NSL1: variants seen among roughly 807,000 people sequenced by gnomAD.
The protein encoded by NSL1 is NSL1 component of MIS12 kinetochore complex.
NSL1 carries 11 observed loss-of-function variants against 25.4 expected under a neutral mutation model. The observed-to-expected ratio is 0.43, with a 90% CI of 0.27 to 0.72. The LOEUF is 0.72. Ranked by LOEUF, NSL1 falls within the 30% of genes least tolerant of loss-of-function variation. The probability of loss-of-function intolerance (pLI) is 0.19; values close to 1 mark genes in which losing one functional copy is unlikely to be tolerated. For synonymous variants in NSL1, 118 were observed against 120.6 expected (o/e 0.98, Z 0.14); for missense variants, 330 against 342.7 (o/e 0.96, Z 0.29).
At chr1:212,755,864 A>C (rs11120012) in intron 4 of NSL1, among the ~76,000 whole-genome samples, 61,171 of 152,098 alleles carry the variant, frequency 0.4, 13,953 homozygotes, top group Non-Finnish European at 0.51. Flanking sequence ...TAAAACAATA[A>C]GGTTAGAGCT....
intron 4 of NSL1, among the ~76,000 whole-genome samples, chr1:212,744,053 G>T (rs937067038): frequency 2.0e-5 from 3 of 152,202 alleles, no homozygotes; most frequent in Non-Finnish European, 4.4e-5. Flanking sequence ...ACATTGAAAG[G>T]TAACGAAGCA....
rs776339555 is a variant in NSL1, at chr1:212,737,856, C to G, written c.*552G>C. ...AAATCCTAAAGTTAATCTCACAAAC[C>G]TAAATTAGCTGAACATGGAGTAACA... On this transcript the variant is annotated 3_prime_UTR_variant, in exon 6 of 6. Transcript: ENST00000366977. The G allele has an allele frequency of 2.0e-6, 2 of 985,238 alleles. No individual in the cohort carries two copies. Among genetic ancestry groups the G allele is most frequent in the Non-Finnish European group, 2.4e-6 (2 of 829,832 alleles). 61.0% of individuals were successfully genotyped at this position (985,238 alleles called of 1,614,324 possible).
In NSL1 at chr1:212,727,055, G is replaced by A. The variant is rs371938400; in HGVS notation, c.*11353C>T. 10 of 1,510,050 alleles carry A rather than the reference G, an allele frequency of 6.6e-6. No homozygotes were observed. Among genetic ancestry groups the A allele is most frequent in the African/African-American group, 2.8e-5 (2 of 70,896 alleles). The allele number at this position is 1,510,050 out of a possible 1,614,324, so 93.5% of individuals were successfully genotyped here. On this transcript the variant is annotated 3_prime_UTR_variant, in exon 6 of 6. Coordinates refer to ENST00000366977, the MANE Select transcript of NSL1 (RefSeq NM_015471.4). Reference sequence around the variant, plus strand: ...AGATGACTGCCGAGAGAGGGAGGGCGGGCTCTGGGTCACCCAGCTTCATCC... The same window carrying A: ...AGATGACTGCCGAGAGAGGGAGGGCAGGCTCTGGGTCACCCAGCTTCATCC...
intron 4 of NSL1, among the ~76,000 whole-genome samples, chr1:212,776,727 A>G (rs1197619988): frequency 6.7e-6 from 1 of 149,292 alleles, no homozygotes; most frequent in Admixed American, 6.6e-5. Context: ...ACAAAACAAC[A>G]ACAACAACAA....
intron 4 of NSL1, among the ~76,000 whole-genome samples, chr1:212,778,451 C>A (rs1056509355): frequency 6.6e-6 from 1 of 151,856 alleles, no homozygotes; most frequent in Non-Finnish European, 1.5e-5. Flanking sequence ...GATGCCGAGC[C>A]GAAGCTGGAC....
In NSL1 at chr1:212,769,498, G is replaced by T. The variant is rs1232205359; in HGVS notation, c.499+12874C>A. Among the ~76,000 whole-genome samples, 4 of 152,096 alleles carry T rather than the reference G, an allele frequency of 2.6e-5. No homozygotes were observed. In the East Asian group the frequency reaches 7.7e-4, roughly 29 times the overall value. Reference sequence around the variant, plus strand: ...TGAAAGAAAAAAACCTGTCAGCCAAGAATATTATTCCCAGAAAAGCTATCC... The same window carrying T: ...TGAAAGAAAAAAACCTGTCAGCCAATAATATTATTCCCAGAAAAGCTATCC... On this transcript the variant is annotated intron_variant, in intron 4 of 5. Coordinates refer to ENST00000366977, the MANE Select transcript of NSL1 (RefSeq NM_015471.4).
Position 212,738,092 on chromosome 1 carries a change from C to A in NSL1, c.*316G>T. ...AACAGAATTTGTTACTTGTTAAATCCCACAAAAGCTACAAGGGAGCTGAGA... is the reference window on the plus strand; with the variant it reads ...AACAGAATTTGTTACTTGTTAAATCACACAAAAGCTACAAGGGAGCTGAGA... On this transcript the variant is annotated 3_prime_UTR_variant, in exon 6 of 6. Coordinates refer to ENST00000366977, the MANE Select transcript of NSL1 (RefSeq NM_015471.4). The A allele has an allele frequency of 9.7e-7, 1 of 1,027,354 alleles. No homozygotes were observed. The highest frequency in any genetic ancestry group is 5.3e-5 in the Admixed American group (1 of 18,712). 63.6% of individuals were successfully genotyped at this position (1,027,354 alleles called of 1,614,324 possible). A position where few individuals can be genotyped will look rare whatever the true frequency, so the allele number is the denominator to read the frequency against.
chr1:212,757,441 T>G (rs757393775), intron 4 of NSL1, among the ~76,000 whole-genome samples: 1 of 152,190 alleles, frequency 6.6e-6, no homozygotes, highest in Non-Finnish European at 1.5e-5. Context: ...TAAAGGAATA[T>G]GTAAGACTGG....
At chr1:212,774,367 A>G (rs1337264555) in intron 4 of NSL1, among the ~76,000 whole-genome samples, 4 of 152,366 alleles carry the variant, frequency 2.6e-5, no homozygotes, top group Non-Finnish European at 5.9e-5. Flanking sequence ...ATAAATATGT[A>G]CAAATATTAT....
rs561261927 is a variant in NSL1 at position 212,726,792 on chromosome 1, C to T, written c.*11616G>A. 4.4e-6 allele frequency: 1 copy of T among 224,976 alleles called. No homozygotes were observed. Among genetic ancestry groups the T allele is most frequent in the Non-Finnish European group, 8.8e-6 (1 of 114,190 alleles). The allele number at this position is 224,976 out of a possible 1,614,324, so 13.9% of individuals were successfully genotyped here. ...GTCCATGAGAGGCTGCCAGCCACCT[C>T]GGTGGGGTCCTCCCACAATCCTCCA... is the stretch of plus-strand genomic sequence containing the variant. On this transcript the variant is annotated 3_prime_UTR_variant, in exon 6 of 6. Transcript: ENST00000366977.
At chr1:212,744,858 G>A (rs1364164717) in intron 4 of NSL1, among the ~76,000 whole-genome samples, 1 of 152,094 alleles carries the variant, frequency 6.6e-6, no homozygotes, top group Non-Finnish European at 1.5e-5. Context: ...GCATAACAAG[G>A]CCAGGTGCCA....
intron 4 of NSL1, among the ~76,000 whole-genome samples, chr1:212,748,532 G>T (rs1658914613): frequency 6.6e-6 from 1 of 152,096 alleles, no homozygotes; most frequent in South Asian, 2.1e-4. Flanking sequence ...CAATAACAAA[G>T]AACTTCTGCT....
chr1:212,747,432 A>G lies in NSL1; in HGVS notation c.500-7831T>C, dbSNP rs865865033. 2.6e-5 allele frequency among the ~76,000 whole-genome samples: 4 copies of G among 152,342 alleles called. No homozygotes were observed. The South Asian group carries it at 8.3e-4, about 32-fold the overall frequency. The stretch of plus-strand genomic sequence containing the variant: ...AAGGAACTAAAGTCTCTAACACACC[A>G]GCCAGGGCTGTACTGCCAACAACTA... On this transcript the variant is annotated intron_variant, in intron 4 of 5. Transcript: ENST00000366977.
chr1:212,737,793 T>C lies in NSL1; in HGVS notation c.*615A>G, dbSNP rs568857198. On this transcript the variant is annotated 3_prime_UTR_variant, in exon 6 of 6. Coordinates refer to ENST00000366977, the MANE Select transcript of NSL1 (RefSeq NM_015471.4). Reference sequence around the variant, plus strand: ...CCAATTTTTATTTCAAAGAGTAATGTTGCACAAATAATAGTTATCATTGTC... The same window carrying C: ...CCAATTTTTATTTCAAAGAGTAATGCTGCACAAATAATAGTTATCATTGTC... 74 of 985,436 alleles carry C rather than the reference T, an allele frequency of 7.5e-5. No individual in the cohort carries two copies. In the African/African-American group the frequency reaches 1.3e-3, roughly 17 times the overall value. The allele number at this position is 985,436 out of a possible 1,614,324, so 61.0% of individuals were successfully genotyped here. A position where few individuals can be genotyped will look rare whatever the true frequency, so the allele number is the denominator to read the frequency against.
chr1:212,729,814 T>G lies in NSL1; in HGVS notation c.*8594A>C, dbSNP rs1035387787. ...AACAGCTAGAACATGGAAAAAGCAATGTAATCAGCTGGTGCTGCAAAGGGC... is the reference window on the plus strand; with the variant it reads ...AACAGCTAGAACATGGAAAAAGCAAGGTAATCAGCTGGTGCTGCAAAGGGC... On this transcript the variant is annotated 3_prime_UTR_variant, in exon 6 of 6. Transcript: ENST00000366977. The G allele has an allele frequency of 1.0e-6, 1 of 985,148 alleles. No homozygotes were observed. The highest frequency in any genetic ancestry group is 6.2e-5 in the Admixed American group (1 of 16,244). 61.0% of individuals were successfully genotyped at this position (985,148 alleles called of 1,614,324 possible).
rs1431626185 is a variant in NSL1, at chr1:212,791,730, G to A, written c.34C>T (p.Pro12Ser). 1.2e-6 allele frequency: 2 copies of A among 1,612,662 alleles called. No homozygotes were observed. Among genetic ancestry groups the A allele is most frequent in the Non-Finnish European group, 1.7e-6 (2 of 1,179,332 alleles). ...GCCGCGAGCTCCTTGTCCCATGGAG[G>A]GTCAAGGACCACCAACTCAGGAGAC... ...AGSPELVVLD[P>S]PWDKELAAGT... Residue 12 changes from proline to serine, a missense_variant, in exon 1 of 6, where the codon CCT becomes TCT. By Grantham distance (74) the Pro-to-Ser change is moderately conservative. Coordinates refer to ENST00000366977, the MANE Select transcript of NSL1 (RefSeq NM_015471.4).
chr1:212,748,273 C>T (rs1432450306), intron 4 of NSL1, among the ~76,000 whole-genome samples: 2 of 152,052 alleles, frequency 1.3e-5, no homozygotes, highest in African/African-American at 4.8e-5. Flanking sequence ...AACTATCATA[C>T]CTGCTGTTAG....
intron 4 of NSL1, among the ~76,000 whole-genome samples, chr1:212,769,999 G>C (rs1267024354): frequency 6.6e-6 from 1 of 152,030 alleles, no homozygotes; most frequent in African/African-American, 2.4e-5. Context: ...TGAAAAAATG[G>C]AAAAAGATAC....
chr1:212,745,160 C>CTATATATATA (rs59293969), intron 4 of NSL1, among the ~76,000 whole-genome samples: 12 of 117,666 alleles, frequency 1.0e-4, no homozygotes, highest in African/African-American at 3.6e-4. Context: ...AACAAACAAA[C>CTATATATATA]TATATATATA....
Sources: allele counts gnomAD v4.1 joint callset (sites outside exome capture counted in the v4.1 genomes callset), GRCh38; gene constraint gnomAD v4.1.1; transcripts MANE v1.5; gene names NCBI Gene and HGNC (gene_info 2026-07-23, HGNC 2026-07-21).